GPD2: variants seen among roughly 807,000 people sequenced by gnomAD.
GPD2 encodes the protein glycerol-3-phosphate dehydrogenase, mitochondrial.
In GPD2, 54 loss-of-function variants were observed where a neutral mutation model predicts 82.4. The ratio of observed to expected loss-of-function variants is 0.66; its 90% confidence interval spans 0.53 to 0.82. The LOEUF is 0.82. Ranked by LOEUF, GPD2 falls within the 40% of genes least tolerant of loss-of-function variation. The pLI is 0.00. For missense variants in GPD2, 748 were observed against 896.2 expected (o/e 0.83, Z 2.11); for synonymous variants, 288 against 306.1 (o/e 0.94, Z 0.62).
At chr2:156,572,110 A>G (rs1244410870) in intron 13 of GPD2, among the ~76,000 whole-genome samples, 1 of 152,090 alleles carries the variant, frequency 6.6e-6, no homozygotes, top group East Asian at 1.9e-4. Flanking sequence ...TTCTTGAACA[A>G]TATTTTGCTT....
At chr2:156,478,379 A>G (rs916142980) in intron 2 of GPD2, among the ~76,000 whole-genome samples, 2 of 152,200 alleles carry the variant, frequency 1.3e-5, no homozygotes, top group African/African-American at 4.8e-5. Flanking sequence ...TATGCAATCA[A>G]TGAGTTGCAT....
chr2:156,441,178 T>A (rs1682161488), intron 1 of GPD2, among the ~76,000 whole-genome samples: 1 of 152,202 alleles, frequency 6.6e-6, no homozygotes, highest in African/African-American at 2.4e-5. Flanking sequence ...AGGACACCCC[T>A]TCTCCCATTT....
chr2:156,483,028 T>C (rs527466547), intron 2 of GPD2, among the ~76,000 whole-genome samples: 236 of 152,128 alleles, frequency 1.6e-3, no homozygotes, highest in African/African-American at 5.1e-3. Flanking sequence ...TTGTAAGAGC[T>C]CTAACGAAGT....
chr2:156,547,796 A>G (rs1686604191), intron 6 of GPD2, among the ~76,000 whole-genome samples: 1 of 152,210 alleles, frequency 6.6e-6, no homozygotes, highest in Non-Finnish European at 1.5e-5. Flanking sequence ...TATCTTTTTA[A>G]AGTCACCTTA....
chr2:156,401,322 A>C, the GPD2 span, among the ~76,000 whole-genome samples: 1 of 152,244 alleles, frequency 6.6e-6, no homozygotes, highest in Non-Finnish European at 1.5e-5. Context: ...AAAGCAATTA[A>C]ATTTTTAATC....
At position 156,579,806 on chromosome 2, in the gene GPD2, G is replaced by A. The variant is rs1438474585; in HGVS notation, c.2058+18G>A. On this transcript the variant is annotated intron_variant, in intron 16 of 16. Coordinates refer to ENST00000438166, the MANE Select transcript of GPD2 (RefSeq NM_000408.5). The stretch of plus-strand genomic sequence containing the variant: ...TTTTGCAGGTGAGTTGTGGTGAAAG[G>A]AAACAAGGATATTTGCTTTTATCTT... 5 of 1,154,348 alleles carry A rather than the reference G, an allele frequency of 4.3e-6. No homozygotes were observed. The South Asian group carries it at 6.1e-5, about 14-fold the overall frequency. The allele number at this position is 1,154,348 out of a possible 1,614,324, so 71.5% of individuals were successfully genotyped here. A position where few individuals can be genotyped will look rare whatever the true frequency, so the allele number is the denominator to read the frequency against.
chr2:156,443,350 A>G (rs979684072), intron 1 of GPD2, among the ~76,000 whole-genome samples: 6 of 152,204 alleles, frequency 3.9e-5, no homozygotes, highest in Admixed American at 2.0e-4. Context: ...TAGACCTCAC[A>G]TGCCTAATCC....
intron 2 of GPD2, among the ~76,000 whole-genome samples, chr2:156,488,200 ACT>A (rs1407245341): frequency 6.6e-6 from 1 of 152,040 alleles, no homozygotes; most frequent in Admixed American, 6.6e-5. Flanking sequence ...AATGTTGCTT[ACT>A]CTCATGTAAG....
chr2:156,467,346 C>A (rs1683184069), intron 1 of GPD2, among the ~76,000 whole-genome samples: 1 of 152,190 alleles, frequency 6.6e-6, no homozygotes, highest in Non-Finnish European at 1.5e-5. Context: ...CTTCTTCCAC[C>A]ACAGTCCAAA....
At chr2:156,447,509 T>C (rs1682410390) in intron 1 of GPD2, among the ~76,000 whole-genome samples, 1 of 151,982 alleles carries the variant, frequency 6.6e-6, no homozygotes, top group African/African-American at 2.4e-5. Context: ...TGATTTTTAC[T>C]TTTTTTATAG....
chr2:156,428,700 G>T, the GPD2 span, among the ~76,000 whole-genome samples: 2 of 152,138 alleles, frequency 1.3e-5, no homozygotes, highest in Non-Finnish European at 2.9e-5. Context: ...CTCCTTGATG[G>T]ATGTTACATT....
At chr2:156,476,028 CTTA>C in intron 1 of GPD2, 67 bp from the exon 2 acceptor site, 2 of 815,364 alleles carry the variant, frequency 2.5e-6, no homozygotes, top group East Asian at 2.4e-5. Context: ...TACACAGTGT[CTTA>C]TTATTGGGAT....
At chr2:156,490,245 G>A (rs559990767) in intron 2 of GPD2, among the ~76,000 whole-genome samples, 75 of 152,150 alleles carry the variant, frequency 4.9e-4, no homozygotes, top group Non-Finnish European at 8.8e-4. Context: ...GTGCAGATGT[G>A]TTTTTGTGAC....
intron 1 of GPD2, among the ~76,000 whole-genome samples, chr2:156,452,092 T>G (rs1682624217): frequency 6.6e-6 from 1 of 150,582 alleles, no homozygotes; most frequent in African/African-American, 2.5e-5. Flanking sequence ...GCAGAGGGGC[T>G]CCTCACGTCC....
chr2:156,542,301 T>C (rs1686351683), intron 6 of GPD2, among the ~76,000 whole-genome samples: 1 of 152,172 alleles, frequency 6.6e-6, no homozygotes, highest in Non-Finnish European at 1.5e-5. Flanking sequence ...TGTAGAATTA[T>C]GATGCAGGTC....
intron 6 of GPD2, among the ~76,000 whole-genome samples, chr2:156,530,441 G>T (rs1364691817): frequency 6.0e-5 from 9 of 151,010 alleles, no homozygotes; most frequent in Non-Finnish European, 1.2e-4. Context: ...CTGTCTAATT[G>T]CCCTGGCCAG....
the GPD2 span, among the ~76,000 whole-genome samples, chr2:156,428,396 G>A: frequency 6.6e-6 from 1 of 152,220 alleles, no homozygotes; most frequent in Non-Finnish European, 1.5e-5. Flanking sequence ...GACTTTTGCT[G>A]TATTTCAATA....
chr2:156,579,082 C>T lies in GPD2; in HGVS notation c.1881-4C>T. The stretch of plus-strand genomic sequence containing the variant: ...TTTTTCCATTATTTAATCTTGTGTT[C>T]CAGGTATAAGAAGAGATTTCATAAG... On this transcript the variant is annotated splice_region_variant and splice_polypyrimidine_tract_variant and intron_variant, in intron 14 of 16. Transcript: ENST00000438166. 6.3e-7 allele frequency: 1 copy of T among 1,592,582 alleles called. No homozygotes were observed. Among genetic ancestry groups the T allele is most frequent in the Non-Finnish European group, 8.6e-7 (1 of 1,161,124 alleles).
chr2:156,401,382 TTA>T, the GPD2 span, among the ~76,000 whole-genome samples: 37 of 144,336 alleles, frequency 2.6e-4, no homozygotes, highest in African/African-American at 8.8e-4. Flanking sequence ...AAAATTTTCA[TTA>T]TACTACTTTA....
Sources: gnomAD v4.1 joint callset for allele counts (sites outside exome capture counted in the v4.1 genomes callset) on GRCh38, gnomAD v4.1.1 for gene constraint, MANE v1.5 for transcripts, NCBI Gene and HGNC (gene_info 2026-07-23, HGNC 2026-07-21) for gene names.